CSNK1G1: variants seen among roughly 807,000 people sequenced by gnomAD.
CSNK1G1 encodes the protein casein kinase 1 gamma 1.
In CSNK1G1, 22 loss-of-function variants were observed where a neutral mutation model predicts 59.6. That is an observed-to-expected ratio of 0.37 (90% confidence interval 0.26 to 0.53). CSNK1G1 has a LOEUF of 0.53. CSNK1G1 is among the 20% of genes least tolerant of loss of function. The pLI is 0.89. For missense variants in CSNK1G1, 384 were observed against 519.5 expected, an observed-to-expected ratio of 0.74 and a Z score of 2.54; for synonymous variants, 179 against 177.1, an observed-to-expected ratio of 1.01 and a Z score of -0.08.
chr15:64,352,849 G>C (rs1390552645), intron 1 of CSNK1G1, among the ~76,000 whole-genome samples: 1 of 151,960 alleles, frequency 6.6e-6, no homozygotes, highest in Non-Finnish European at 1.5e-5. Flanking sequence ...AGCACTTTGG[G>C]AGGCCAAAGC....
chr15:64,221,019 T>TA (rs1273078780), intron 4 of CSNK1G1, among the ~76,000 whole-genome samples: 1 of 152,230 alleles, frequency 6.6e-6, no homozygotes, highest in Non-Finnish European at 1.5e-5. Flanking sequence ...GTAACCATGC[T>TA]AATGTTGGAC....
chr15:64,251,220 G>A (rs1008019971), intron 4 of CSNK1G1, among the ~76,000 whole-genome samples: 2 of 152,154 alleles, frequency 1.3e-5, no homozygotes, highest in Admixed American at 1.3e-4. Context: ...GTAAAGAAAA[G>A]AGAATGAACT....
chr15:64,235,757 C>G (rs1287967219), intron 4 of CSNK1G1, among the ~76,000 whole-genome samples: 1 of 152,084 alleles, frequency 6.6e-6, no homozygotes, highest in Non-Finnish European at 1.5e-5. Flanking sequence ...TGTGCAACTC[C>G]GAGGTGACTG....
At chr15:64,303,891 G>C (rs1345205826) in intron 1 of CSNK1G1, among the ~76,000 whole-genome samples, 1 of 139,744 alleles carries the variant, frequency 7.2e-6, no homozygotes, top group Non-Finnish European at 1.5e-5. Context: ...CTGCACTCCA[G>C]TATGGGTGAG....
intron 1 of CSNK1G1, among the ~76,000 whole-genome samples, chr15:64,320,688 AAAAAAAAAGAAAAAAG>A (rs1410652771): frequency 6.6e-6 from 1 of 151,612 alleles, no homozygotes; most frequent in Non-Finnish European, 1.5e-5. Context: ...CAAAAAAAAA[AAAAAAAAAGAAAAAAG>A]AAAAAAAAGA....
chr15:64,321,616 TATATC>T (rs1402403713), intron 1 of CSNK1G1, among the ~76,000 whole-genome samples: 4 of 152,216 alleles, frequency 2.6e-5, no homozygotes, highest in African/African-American at 9.6e-5. Flanking sequence ...ATGGCCATAA[TATATC>T]ATGCACAAAA....
At chr15:64,288,530 T>C (rs1157899981) in intron 2 of CSNK1G1, among the ~76,000 whole-genome samples, 2 of 152,046 alleles carry the variant, frequency 1.3e-5, no homozygotes, top group Admixed American at 1.3e-4. Context: ...ATAAAAAATA[T>C]TACATGATAC....
Position 64,230,349 on chromosome 15 carries a change from T to C in CSNK1G1, c.293-13636A>G, listed in dbSNP as rs1293574697. On this transcript the variant is annotated intron_variant, in intron 4 of 11. Coordinates refer to ENST00000303052, the MANE Select transcript of CSNK1G1 (RefSeq NM_022048.5). ...TCTCACTCTATCACCCAGGCTATAGTGCAGTGGCACAAACCATGGCTCACT... is the reference window on the plus strand; with the variant it reads ...TCTCACTCTATCACCCAGGCTATAGCGCAGTGGCACAAACCATGGCTCACT... 2.0e-5 allele frequency among the ~76,000 whole-genome samples: 3 copies of C among 151,884 alleles called. 1 individual carries two copies. Among genetic ancestry groups the C allele is most frequent in the African/African-American group, 7.3e-5 (3 of 41,352 alleles).
intron 4 of CSNK1G1, 30 bp downstream of exon 4, chr15:64,251,478 TACTA>T (rs758351132): frequency 1.8e-5 from 27 of 1,511,844 alleles, no homozygotes; most frequent in Non-Finnish European, 2.5e-5. Context: ...CTAAGATACA[TACTA>T]AGTAAGTGGA....
intron 1 of CSNK1G1, among the ~76,000 whole-genome samples, chr15:64,340,042 G>A (rs912507229): frequency 1.3e-5 from 2 of 152,106 alleles, no homozygotes; most frequent in Non-Finnish European, 2.9e-5. Flanking sequence ...TTATTTAGAT[G>A]TGTTCTTTTA....
intron 1 of CSNK1G1, among the ~76,000 whole-genome samples, chr15:64,303,140 G>C (rs1199292146): frequency 2.0e-5 from 3 of 151,172 alleles, no homozygotes; most frequent in African/African-American, 7.3e-5. Flanking sequence ...TGAGATGGGA[G>C]TACTGCTCAA....
intron 2 of CSNK1G1, among the ~76,000 whole-genome samples, chr15:64,293,493 T>C (rs776297303): frequency 6.6e-6 from 1 of 152,154 alleles, no homozygotes; most frequent in African/African-American, 2.4e-5. Context: ...AGGACACACA[T>C]ACACACAAAG....
intron 6 of CSNK1G1, among the ~76,000 whole-genome samples, chr15:64,208,548 T>C (rs2082211647): frequency 6.6e-6 from 1 of 152,212 alleles, no homozygotes; most frequent in Non-Finnish European, 1.5e-5. Flanking sequence ...TTATTCTTTT[T>C]TACAGACAGA....
At chr15:64,278,377 CGTGTGTGTGTGTGTGTGTGTGT>C (rs56064136) in intron 2 of CSNK1G1, among the ~76,000 whole-genome samples, 2 of 111,486 alleles carry the variant, frequency 1.8e-5, no homozygotes, top group South Asian at 3.1e-4. Context: ...CATGTATGTG[CGTGTGTGTGTGTGTGTGTGTGT>C]GTGTGTGTGT....
At chr15:64,270,203 T>C (rs904104146) in intron 2 of CSNK1G1, among the ~76,000 whole-genome samples, 2 of 152,234 alleles carry the variant, frequency 1.3e-5, no homozygotes, top group Non-Finnish European at 2.9e-5. Context: ...TTATTCTTTA[T>C]TAGTCTAGCT....
At chr15:64,289,608 T>C (rs946285350) in intron 2 of CSNK1G1, among the ~76,000 whole-genome samples, 14 of 152,128 alleles carry the variant, frequency 9.2e-5, no homozygotes, top group African/African-American at 3.1e-4. Flanking sequence ...AAAAAGCATC[T>C]GCACAGCAAA....
At chr15:64,309,585 T>C (rs1178278110) in intron 1 of CSNK1G1, among the ~76,000 whole-genome samples, 1 of 152,160 alleles carries the variant, frequency 6.6e-6, no homozygotes, top group Non-Finnish European at 1.5e-5. Context: ...GCAACTACAA[T>C]GCACTGTGAT....
chr15:64,263,947 C>A (rs1892844073), intron 2 of CSNK1G1, among the ~76,000 whole-genome samples: 1 of 151,452 alleles, frequency 6.6e-6, no homozygotes, highest in African/African-American at 2.4e-5. Flanking sequence ...TTTACTTCCA[C>A]TCGGCAGTAA....
chr15:64,327,264 AAATGT>A (rs1896898918), intron 1 of CSNK1G1, among the ~76,000 whole-genome samples: 1 of 151,740 alleles, frequency 6.6e-6, no homozygotes, highest in African/African-American at 2.4e-5. Flanking sequence ...CTGCAGACTT[AAATGT>A]CCCTGTCTGA....
Sources: gnomAD v4.1 joint callset for allele counts (sites outside exome capture counted in the v4.1 genomes callset) on GRCh38, gnomAD v4.1.1 for gene constraint, MANE v1.5 for transcripts, NCBI Gene and HGNC (gene_info 2026-07-23, HGNC 2026-07-21) for gene names.